The following CA4 variants were observed in gnomAD, a reference collection of about 807,000 sequenced individuals.
CA4 encodes the protein carbonic anhydrase 4.
A neutral mutation model predicts 34.5 loss-of-function variants in CA4; 24 were observed. The ratio of observed to expected loss-of-function variants is 0.70; its 90% CI spans 0.50 to 0.98. CA4 has a LOEUF of 0.98. CA4 is among the 50% of genes least tolerant of loss of function. The pLI is 0.00. For missense variants in CA4, 394 were observed against 396.7 expected (o/e 0.99, Z 0.06); for synonymous variants, 178 against 170.6 (o/e 1.04, Z -0.34).
At chr17:60,173,015 T>A (rs924621558), downstream of CA4, among the ~76,000 whole-genome samples, 1 of 151,842 alleles carries the variant, frequency 6.6e-6, no homozygotes, top group Admixed American at 6.6e-5. Flanking sequence ...TGGTGGCTCA[T>A]GCCTGTAATC....
chr17:60,156,749 C>G (rs2083692902), intron 3 of CA4, 34 bp downstream of exon 3: 1 of 1,597,810 alleles, frequency 6.3e-7, no homozygotes, highest in Non-Finnish European at 8.6e-7. Context: ...CAGGCCTGGG[C>G]ACCCGAGTTC....
chr17:60,171,878 C>T (rs539352955), downstream of CA4, among the ~76,000 whole-genome samples: 11 of 152,316 alleles, frequency 7.2e-5, no homozygotes, highest in African/African-American at 1.2e-4. Context: ...AACCGAGGCG[C>T]GGACAAGGCA....
At chr17:60,160,637 G>A (rs1325355052), downstream of CA4, among the ~76,000 whole-genome samples, 1 of 151,952 alleles carries the variant, frequency 6.6e-6, no homozygotes, top group East Asian at 1.9e-4. Flanking sequence ...GGTGGCGGGT[G>A]CCGGTAATTC....
At chr17:60,164,287 T>C (rs746826141), downstream of CA4, among the ~76,000 whole-genome samples, 6 of 150,438 alleles carry the variant, frequency 4.0e-5, no homozygotes, top group Non-Finnish European at 8.9e-5. Context: ...CTCCCTCCTT[T>C]CTTTCTTTCT....
chr17:60,156,764 A>G (rs750074772), intron 3 of CA4, 49 bp downstream of exon 3: 25 of 1,536,676 alleles, frequency 1.6e-5, no homozygotes, highest in South Asian at 4.5e-5. Context: ...GAGTTCCCCA[A>G]GGACTGAGAG....
chr17:60,158,922 G>A, intron 7 of CA4: 1 of 471,088 alleles, frequency 2.1e-6, no homozygotes, highest in Non-Finnish European at 3.9e-6. Flanking sequence ...CCCCCCAGCT[G>A]ATGCTAACGC....
intron 5 of CA4, among the ~76,000 whole-genome samples, chr17:60,167,532 G>A (rs984209217): frequency 3.3e-5 from 5 of 152,192 alleles, no homozygotes; most frequent in East Asian, 1.9e-4. Context: ...TTTGCAGCAC[G>A]AGTGAATAAA....
intron 3 of CA4, chr17:60,156,988 G>T: frequency 1.8e-6 from 1 of 550,444 alleles, no homozygotes; most frequent in Non-Finnish European, 3.3e-6. Context: ...AGCTCGGCGT[G>T]TTCAGAGGAC....
chr17:60,156,759 C>T (rs764845193), intron 3 of CA4, 44 bp downstream of exon 3: 70 of 1,577,482 alleles, frequency 4.4e-5, no homozygotes, highest in Non-Finnish European at 5.5e-5. Context: ...CACCCGAGTT[C>T]CCCAAGGACT....
At chr17:60,176,409 T>A in the CA4 span, among the ~76,000 whole-genome samples, 1 of 151,808 alleles carries the variant, frequency 6.6e-6, no homozygotes, top group Non-Finnish European at 1.5e-5. Flanking sequence ...GTCACCTTCA[T>A]CTCTTCTCAA....
At chr17:60,156,443 AC>A (rs2083685091) in intron 2 of CA4, 116 bp from the exon 3 acceptor site, 9 of 1,021,620 alleles carry the variant, frequency 8.8e-6, no homozygotes, top group African/African-American at 3.1e-5. Flanking sequence ...CCTTCAGGCC[AC>A]CCCAAAGCGT....
intron 5 of CA4, 28 bp downstream of exon 5, chr17:60,157,816 G>A: frequency 1.3e-6 from 2 of 1,594,804 alleles, no homozygotes; most frequent in Non-Finnish European, 1.7e-6. Flanking sequence ...CACTTCCCGG[G>A]GAACCCGGGG....
downstream of CA4, among the ~76,000 whole-genome samples, chr17:60,163,919 C>T (rs751912904): frequency 3.3e-5 from 5 of 152,076 alleles, no homozygotes; most frequent in Non-Finnish European, 5.9e-5. Context: ...TCACTTGAGC[C>T]TGGGAGTTTA....
chr17:60,160,452 T>C (rs1342683263), downstream of CA4, among the ~76,000 whole-genome samples: 8 of 151,436 alleles, frequency 5.3e-5, no homozygotes, highest in Non-Finnish European at 2.9e-5. Context: ...AGGCAGTGAG[T>C]GCATGGGAGA....
At chr17:60,159,937 C>A (rs1038270559), downstream of CA4, among the ~76,000 whole-genome samples, 1 of 152,150 alleles carries the variant, frequency 6.6e-6, no homozygotes, top group Non-Finnish European at 1.5e-5. Flanking sequence ...CCCTGGAGTT[C>A]AAGACCAGCC....
rs1020238915 is a variant in CA4 at position 60,154,258 on chromosome 17, G to C, written c.59-1056G>C. ...GCCATGGGGTGGGTGGGAGGGGTGG[G>C]GGGGAGGGAAGGAGTTGTCGATGGG... On this transcript the variant is annotated intron_variant, in intron 1 of 7. Transcript: ENST00000300900. Among the ~76,000 whole-genome samples the C allele has an allele frequency of 2.0e-4, 30 of 151,642 alleles. 1 individual carries two copies. Among genetic ancestry groups the C allele is most frequent in the Admixed American group, 1.3e-3 (20 of 15,214 alleles).
chr17:60,177,123 G>C, the CA4 span, among the ~76,000 whole-genome samples: 2 of 152,298 alleles, frequency 1.3e-5, no homozygotes, highest in African/African-American at 4.8e-5. Flanking sequence ...CATCCCCTCT[G>C]TAAGTCAGAA....
rs2083707822 is a variant in CA4 at position 60,157,440 on chromosome 17, G to A, written c.282G>A (p.Leu94=). ...QNNGHSVMML[L]ENKASISGGG... ...CTGTGCTCCCAGTGATGATGTTGCTGGAGAACAAGGCCAGCATTTCTGGAG... is the reference window on the plus strand; with the variant it reads ...CTGTGCTCCCAGTGATGATGTTGCTAGAGAACAAGGCCAGCATTTCTGGAG... Residue 94 remains leucine, a synonymous_variant, in exon 4 of 8, where the codon CTG becomes CTA. Transcript: ENST00000300900. 4 of 1,614,084 alleles carry A rather than the reference G, an allele frequency of 2.5e-6. No individual in the cohort carries two copies. Among genetic ancestry groups the A allele is most frequent in the Non-Finnish European group, 3.4e-6 (4 of 1,180,038 alleles).
At chr17:60,156,864 G>A (rs2083695486) in intron 3 of CA4, 149 bp downstream of exon 3, 1 of 743,290 alleles carries the variant, frequency 1.3e-6, no homozygotes, top group African/African-American at 1.7e-5. Context: ...ACAGCTTCCA[G>A]GAGGAGAGAG....
Sources: allele counts gnomAD v4.1 joint callset (sites outside exome capture counted in the v4.1 genomes callset), GRCh38; gene constraint gnomAD v4.1.1; transcripts MANE v1.5; gene names NCBI Gene and HGNC (gene_info 2026-07-23, HGNC 2026-07-21).